XPO4: variants seen among roughly 807,000 people sequenced by gnomAD.
XPO4 encodes the protein exportin-4.
XPO4 carries 39 observed loss-of-function variants against 143.0 expected under a neutral mutation model. The ratio of observed to expected loss-of-function variants is 0.27; its 90% CI spans 0.21 to 0.36. XPO4 has a LOEUF of 0.36. XPO4 is among the 10% of genes least tolerant of loss of function. The pLI is 1.00. For missense variants in XPO4, 907 were observed against 1,348.0 expected (o/e 0.67, Z 5.12); for synonymous variants, 439 against 474.0 (o/e 0.93, Z 0.96).
At position 20,788,547 on chromosome 13, in the gene XPO4, G is replaced by C; in HGVS notation, c.2986C>G (p.Pro996Ala). 6.2e-7 allele frequency: 1 copy of C among 1,612,972 alleles called. No individual in the cohort carries two copies. The highest frequency in any genetic ancestry group is 8.5e-7 in the Non-Finnish European group (1 of 1,179,488). Residue 996 changes from proline (P) to alanine (A), a missense_variant, in exon 20 of 23, where the codon CCA (proline) becomes GCA (alanine). Pro to Ala is a conservative substitution (Grantham distance 27). Coordinates refer to ENST00000255305, the MANE Select transcript of XPO4 (RefSeq NM_022459.5). Reference protein sequence around the residue: ...FICEIFPEKIPQLPEDLFKSL... With the variant: ...FICEIFPEKIAQLPEDLFKSL... Reference sequence around the variant, plus strand: ...TTAAACAGATCCTCAGGAAGCTGTGGTATTTTTTCAGGAAAAATCTCACAG... The same window carrying C: ...TTAAACAGATCCTCAGGAAGCTGTGCTATTTTTTCAGGAAAAATCTCACAG...
intron 18 of XPO4, among the ~76,000 whole-genome samples, chr13:20,795,077 C>A (rs969304543): frequency 2.0e-5 from 3 of 151,198 alleles, no homozygotes; most frequent in Non-Finnish European, 4.4e-5. Context: ...AGAACAATCT[C>A]AAGGATTGGG....
intron 1 of XPO4, among the ~76,000 whole-genome samples, chr13:20,895,268 CAAACTATATTA>C (rs1163501292): frequency 1.3e-5 from 2 of 152,102 alleles, no homozygotes; most frequent in African/African-American, 4.8e-5. Flanking sequence ...GTAAAAAATT[CAAACTATATTA>C]AAACTATATT....
intron 18 of XPO4, among the ~76,000 whole-genome samples, chr13:20,792,528 C>T (rs542843585): frequency 3.1e-3 from 479 of 152,178 alleles, no homozygotes; most frequent in Non-Finnish European, 5.3e-3. Flanking sequence ...AAGATGGCGC[C>T]ACCGCAGTCC....
In XPO4 at chr13:20,843,886, G is replaced by T. The variant is rs1441778105; in HGVS notation, c.457C>A (p.Gln153Lys). 6.2e-7 allele frequency: 1 copy of T among 1,607,040 alleles called. No homozygotes were observed. The highest frequency in any genetic ancestry group is 8.5e-7 in the Non-Finnish European group (1 of 1,175,284). ...GTCAGAATAGAACAGGCCAGAGTTT[G>T]CTGTAATTATTTGATAAGAAATAAT... ...QLISSGNPTV[Q>K]TLACSILTAL... Residue 153 changes from glutamine (Q) to lysine (K), a missense_variant and splice_region_variant, in exon 5 of 23, where the codon CAA (glutamine) becomes AAA (lysine). Physicochemically the swap from Gln to Lys is moderately conservative, Grantham distance 53 (BLOSUM62 1). Transcript: ENST00000255305.
Position 20,803,437 on chromosome 13 carries a change from A to C in XPO4, c.1818-2447T>G, listed in dbSNP as rs1343809527. On this transcript the variant is annotated intron_variant, in intron 13 of 22. Transcript: ENST00000255305. The surrounding 1 kb of genome is among the most constrained non-coding windows in gnomAD (Gnocchi z 4.1). ...ATCAATGAAAGAACCACTCAGCCTG[A>C]GTCAGGCAGGTCCAGGGGAGGCACC... Among the ~76,000 whole-genome samples the C allele has an allele frequency of 6.6e-6, 1 of 152,198 alleles. No homozygotes were observed. Among genetic ancestry groups the C allele is most frequent in the Non-Finnish European group, 1.5e-5 (1 of 68,030 alleles).
chr13:20,872,627 A>G (rs994387110), intron 1 of XPO4, among the ~76,000 whole-genome samples: 1 of 152,202 alleles, frequency 6.6e-6, no homozygotes, highest in Admixed American at 6.5e-5. Context: ...TAATCCTAAC[A>G]ACTCTATGGG....
At chr13:20,814,782 T>A (rs2059627889) in intron 9 of XPO4, among the ~76,000 whole-genome samples, 1 of 152,216 alleles carries the variant, frequency 6.6e-6, no homozygotes, top group Non-Finnish European at 1.5e-5. Flanking sequence ...TGACCCCACT[T>A]TACTCCATCT....
At position 20,779,662 on chromosome 13, in the gene XPO4, G is replaced by C. The variant is rs934390927; in HGVS notation, c.*4060C>G. 1.3e-5 allele frequency: 2 copies of C among 152,512 alleles called. No individual in the cohort carries two copies. The highest frequency in any genetic ancestry group is 1.9e-4 in the East Asian group (1 of 5,192). 9.4% of individuals were successfully genotyped at this position (152,512 alleles called of 1,614,324 possible). ...ACTTCAGCATTCTCGTCTTTACTAA[G>C]ACTTACCCATAGAGAACTACAGCAG... is the stretch of plus-strand genomic sequence containing the variant. On this transcript the variant is annotated 3_prime_UTR_variant, in exon 23 of 23. Coordinates refer to ENST00000255305, the MANE Select transcript of XPO4 (RefSeq NM_022459.5).
At chr13:20,878,280 T>G (rs897334645) in intron 1 of XPO4, among the ~76,000 whole-genome samples, 1 of 152,192 alleles carries the variant, frequency 6.6e-6, no homozygotes, top group African/African-American at 2.4e-5. Flanking sequence ...CTAGAAAAAG[T>G]TGATAGTCCC....
At chr13:20,799,957 A>G (rs1290946357) in intron 15 of XPO4, among the ~76,000 whole-genome samples, 199 bp downstream of exon 15, 1 of 152,234 alleles carries the variant, frequency 6.6e-6, no homozygotes, top group African/African-American at 2.4e-5. Context: ...ATGCTCAATT[A>G]TAAGATGGGA....
At chr13:20,875,302 A>G (rs886283213) in intron 1 of XPO4, among the ~76,000 whole-genome samples, 3 of 152,176 alleles carry the variant, frequency 2.0e-5, no homozygotes, top group African/African-American at 7.2e-5. Flanking sequence ...TGCCATAACA[A>G]TATTTCATAA....
chr13:20,822,731 G>C (rs777816876), intron 7 of XPO4, among the ~76,000 whole-genome samples: 6 of 152,126 alleles, frequency 3.9e-5, no homozygotes, highest in Non-Finnish European at 7.4e-5. Context: ...ACTTAGAAAA[G>C]CAATATACCA....
Position 20,799,344 on chromosome 13 carries a change from A to T in XPO4, c.2148-5T>A, listed in dbSNP as rs768934529. On this transcript the variant is annotated splice_region_variant and splice_polypyrimidine_tract_variant and intron_variant, in intron 15 of 22. Coordinates refer to ENST00000255305, the MANE Select transcript of XPO4 (RefSeq NM_022459.5). The stretch of plus-strand genomic sequence containing the variant: ...CATTGAATTACTAAGTTTGCCCTAC[A>T]GGTAGAAATAACAAAACATAAGATG... The T allele has an allele frequency of 6.2e-7, 1 of 1,611,286 alleles. No homozygotes were observed. The highest frequency in any genetic ancestry group is 8.5e-7 in the Non-Finnish European group (1 of 1,178,070).
At position 20,827,079 on chromosome 13, in the gene XPO4, C is replaced by T. The variant is rs1411322154; in HGVS notation, c.828G>A (p.Glu276=). Residue 276 remains glutamate, a synonymous_variant, in exon 7 of 23, where the codon GAG becomes GAA. Coordinates refer to ENST00000255305, the MANE Select transcript of XPO4 (RefSeq NM_022459.5). ...GACTAAAACTTACTGTGAAGAAAAG[C>T]TCCATAACTCTGCTGTCCAGAAGAG... ...RETLLDSRVM[E]LFFTVHRKIR... is the part of the protein sequence containing the mutation. The T allele has an allele frequency of 1.2e-6, 2 of 1,612,584 alleles. No individual in the cohort carries two copies. The highest frequency in any genetic ancestry group is 2.2e-5 in the South Asian group (2 of 91,058).
At chr13:20,812,714 T>A (rs1485076982) in intron 9 of XPO4, among the ~76,000 whole-genome samples, 1 of 152,134 alleles carries the variant, frequency 6.6e-6, no homozygotes, top group Admixed American at 6.5e-5. Flanking sequence ...TATGCCAAAG[T>A]TAATTTCTTA....
At chr13:20,850,956 T>C in intron 4 of XPO4, 1 of 985,416 alleles carries the variant, frequency 1.0e-6, no homozygotes, top group Non-Finnish European at 1.2e-6. Context: ...AAACCTTTAG[T>C]TAATTTTTTC....
intron 11 of XPO4, 86 bp from the exon 12 acceptor site, chr13:20,808,667 G>C (rs2137888013): frequency 8.5e-7 from 1 of 1,178,174 alleles, no homozygotes; most frequent in South Asian, 2.3e-5. Context: ...TAGACAACAT[G>C]AATTGAATGT....
intron 4 of XPO4, chr13:20,849,727 T>C: frequency 2.0e-6 from 2 of 984,800 alleles, no homozygotes; most frequent in Non-Finnish European, 2.4e-6. Flanking sequence ...TCCATAAAAC[T>C]ATCTGTAGAG....
rs767869782 is a variant in XPO4 at position 20,799,366 on chromosome 13, GATGT to G, written c.2148-31_2148-28del. 3.1e-6 allele frequency: 5 copies of G among 1,597,976 alleles called. No individual in the cohort carries two copies. The African/African-American group carries it at 6.7e-5, about 21-fold the overall frequency. On this transcript the variant is annotated intron_variant, in intron 15 of 22. Transcript: ENST00000255305. ...TACAGGTAGAAATAACAAAACATAA[GATGT>G]ATTACTATGTATATACATACACACA...
Sources: allele counts gnomAD v4.1 joint callset (sites outside exome capture counted in the v4.1 genomes callset), GRCh38; gene constraint gnomAD v4.1.1; non-coding constraint Gnocchi (gnomAD v3.1); transcripts MANE v1.5; gene names NCBI Gene and HGNC (gene_info 2026-07-23, HGNC 2026-07-21).